KCNQ1: variants seen among roughly 807,000 people sequenced by gnomAD.
KCNQ1 encodes the protein potassium voltage-gated channel subfamily Q member 1.
A neutral mutation model predicts 72.4 loss-of-function variants in KCNQ1; 49 were observed. The ratio of observed to expected loss-of-function variants is 0.68; its 90% confidence interval spans 0.54 to 0.86. KCNQ1 has a LOEUF of 0.86. KCNQ1 is among the 40% of genes least tolerant of loss of function. The pLI is 0.00. For synonymous variants in KCNQ1, 450 were observed against 412.6 expected (o/e 1.09, Z -1.10); for missense variants, 790 against 945.1 (o/e 0.84, Z 2.15).
intron 14 of KCNQ1, 109 bp downstream of exon 14, chr11:2,777,141 A>G (rs1846723117): frequency 9.4e-7 from 1 of 1,058,322 alleles, no homozygotes; most frequent in Non-Finnish European, 1.4e-6. Flanking sequence ...TTGCACCTCC[A>G]AAGTGCATGA....
chr11:2,541,635 T>A lies in KCNQ1; in HGVS notation c.477+13617T>A, dbSNP rs958239820. On this transcript the variant is annotated intron_variant, in intron 2 of 15. Transcript: ENST00000155840. The surrounding 1 kb of genome is among the most constrained non-coding windows in gnomAD (Gnocchi z 4.8). ...GGCTTTGTCCCCACCGTTAGGATAC[T>A]CTGAACGTTCCCAGAAAGCCCCCTT... is the stretch of plus-strand genomic sequence containing the variant. 1.3e-5 allele frequency among the ~76,000 whole-genome samples: 2 copies of A among 151,928 alleles called. No individual in the cohort carries two copies. Among genetic ancestry groups the A allele is most frequent in the African/African-American group, 4.8e-5 (2 of 41,352 alleles).
At chr11:2,525,254 G>A (rs1195227682) in intron 1 of KCNQ1, among the ~76,000 whole-genome samples, 2 of 152,236 alleles carry the variant, frequency 1.3e-5, no homozygotes, top group African/African-American at 4.8e-5. Flanking sequence ...GCCCGGAATG[G>A]TGCCCAGTGC....
chr11:2,580,536 G>A (rs758535386), intron 6 of KCNQ1, among the ~76,000 whole-genome samples: 3 of 152,198 alleles, frequency 2.0e-5, no homozygotes, highest in Non-Finnish European at 4.4e-5. Context: ...CCCCACGCCT[G>A]TCCCGGAACT....
chr11:2,641,835 T>C (rs1849583609), intron 10 of KCNQ1: 1 of 398,420 alleles, frequency 2.5e-6, no homozygotes, highest in East Asian at 3.6e-5. Flanking sequence ...ATAGAAACGG[T>C]TTCATTTTTC....
At chr11:2,738,692 C>T in intron 11 of KCNQ1, among the ~76,000 whole-genome samples, 1 of 152,206 alleles carries the variant, frequency 6.6e-6, no homozygotes, top group East Asian at 1.9e-4. Flanking sequence ...GGGTGGATGT[C>T]TGCTTTTCCT....
Position 2,599,933 on chromosome 11 carries a change from A to G in KCNQ1, c.1393+11079A>G, listed in dbSNP as rs1337229932. 6.6e-6 allele frequency among the ~76,000 whole-genome samples: 1 copy of G among 152,246 alleles called. No homozygotes were observed. The highest frequency in any genetic ancestry group is 1.5e-5 in the Non-Finnish European group (1 of 68,042). Reference sequence around the variant, plus strand: ...TCAACTGCAAACCTTGTGGGACACAATTCAGCCCGTGACACAGGAATAGGC... The same window carrying G: ...TCAACTGCAAACCTTGTGGGACACAGTTCAGCCCGTGACACAGGAATAGGC... On this transcript the variant is annotated intron_variant, in intron 10 of 15. Coordinates refer to ENST00000155840, the MANE Select transcript of KCNQ1 (RefSeq NM_000218.3). This position sits in a 1 kb window ranked among gnomAD's most constrained non-coding sequence, Gnocchi z 4.7.
At chr11:2,743,363 G>T (rs961866994) in intron 11 of KCNQ1, among the ~76,000 whole-genome samples, 1 of 152,318 alleles carries the variant, frequency 6.6e-6, no homozygotes, top group South Asian at 2.1e-4. Flanking sequence ...ACCCCTTCAG[G>T]CCCTGGCACA....
Position 2,712,096 on chromosome 11 carries a change from C to T in KCNQ1, c.1514+50015C>T, listed in dbSNP as rs1851017395. Among the ~76,000 whole-genome samples the T allele has an allele frequency of 6.6e-6, 1 of 152,124 alleles. No individual in the cohort carries two copies. The stretch of plus-strand genomic sequence containing the variant: ...TGCCTCCCAGAGAGCCAGGGAGAGG[C>T]CAGGATCCAAGGAGGTAACGGCTTT... On this transcript the variant is annotated intron_variant, in intron 11 of 15. Coordinates refer to ENST00000155840, the MANE Select transcript of KCNQ1 (RefSeq NM_000218.3). The surrounding 1 kb of genome is among the most constrained non-coding windows in gnomAD (Gnocchi z 6.4).
At position 2,750,243 on chromosome 11, in the gene KCNQ1, C is replaced by T. The variant is rs867050165; in HGVS notation, c.1515-18601C>T. Among the ~76,000 whole-genome samples, 2 of 152,116 alleles carry T rather than the reference C, an allele frequency of 1.3e-5. No homozygotes were observed. The highest frequency in any genetic ancestry group is 2.1e-4 in the South Asian group (1 of 4,830). ...CATGTATTCCAGGGAAGAATTGGGC[C>T]GGAGGCTGAAACAGGACGACAGAGC... On this transcript the variant is annotated intron_variant, in intron 11 of 15. Transcript: ENST00000155840. The surrounding 1 kb of genome is among the most constrained non-coding windows in gnomAD (Gnocchi z 6.3).
rs1300859117 is a variant in KCNQ1 at position 2,568,354 on chromosome 11, T to C, written c.478-2274T>C. Among the ~76,000 whole-genome samples, 3 of 152,216 alleles carry C rather than the reference T, an allele frequency of 2.0e-5. No individual in the cohort carries two copies. In the East Asian group the frequency reaches 5.8e-4, roughly 29 times the overall value. ...TGCTAAGGGCCAGTCTGCTGGGTGG[T>C]GGATGGGTCAGCAGAGCTGGGCTGG... On this transcript the variant is annotated intron_variant, in intron 2 of 15. Coordinates refer to ENST00000155840, the MANE Select transcript of KCNQ1 (RefSeq NM_000218.3).
chr11:2,447,872 C>T lies in KCNQ1; in HGVS notation c.386+2388C>T, dbSNP rs1340793741. 1.3e-5 allele frequency among the ~76,000 whole-genome samples: 2 copies of T among 152,196 alleles called. No homozygotes were observed. The highest frequency in any genetic ancestry group is 4.8e-5 in the African/African-American group (2 of 41,458). ...GCTAGGGCGAACTCTCCTGTGTGCG[C>T]CTGGGGAAGCCAGCCAGGATATCCT... On this transcript the variant is annotated intron_variant, in intron 1 of 15. Coordinates refer to ENST00000155840, the MANE Select transcript of KCNQ1 (RefSeq NM_000218.3). The surrounding 1 kb of genome is among the most constrained non-coding windows in gnomAD (Gnocchi z 7.6).
rs747713563 is a variant in KCNQ1 at position 2,564,348 on chromosome 11, C to A, written c.478-6280C>A. The stretch of plus-strand genomic sequence containing the variant: ...GTGACTCATGCCTGCAATCCCAGCA[C>A]TTTGGAAGGCTGAGGCGGGCGGATC... On this transcript the variant is annotated intron_variant, in intron 2 of 15. Transcript: ENST00000155840. This position sits in a 1 kb window ranked among gnomAD's most constrained non-coding sequence, Gnocchi z 4.5. 9.9e-5 allele frequency among the ~76,000 whole-genome samples: 15 copies of A among 152,194 alleles called. No homozygotes were observed. Among genetic ancestry groups the A allele is most frequent in the Admixed American group, 2.0e-4 (3 of 15,284 alleles).
At chr11:2,697,269 T>G in intron 11 of KCNQ1, 1 of 398,620 alleles carries the variant, frequency 2.5e-6, no homozygotes, top group Non-Finnish European at 4.4e-6. Flanking sequence ...CAATAACTTT[T>G]AAGAATACAA....
At position 2,724,695 on chromosome 11, in the gene KCNQ1, T is replaced by C. The variant is rs1466350509; in HGVS notation, c.1515-44149T>C. 6.6e-6 allele frequency among the ~76,000 whole-genome samples: 1 copy of C among 152,158 alleles called. No homozygotes were observed. Among genetic ancestry groups the C allele is most frequent in the Non-Finnish European group, 1.5e-5 (1 of 68,024 alleles). ...AGGCGACACTGTGATTGTCCTGGGC[T>C]CACAGAGGAGGACGTGGGGACCTGC... On this transcript the variant is annotated intron_variant, in intron 11 of 15. Transcript: ENST00000155840. This position sits in a 1 kb window ranked among gnomAD's most constrained non-coding sequence, Gnocchi z 6.8.
intron 10 of KCNQ1, chr11:2,610,710 G>A (rs1848965329): frequency 1.1e-5 from 4 of 363,762 alleles, no homozygotes; most frequent in Non-Finnish European, 1.4e-5. Flanking sequence ...CAGTATTCTT[G>A]GTTGGCTTTT....
chr11:2,600,196 G>A lies in KCNQ1; in HGVS notation c.1393+11342G>A, dbSNP rs1000372668. Among the ~76,000 whole-genome samples, 1 of 152,120 alleles carries A rather than the reference G, an allele frequency of 6.6e-6. No homozygotes were observed. Among genetic ancestry groups the A allele is most frequent in the South Asian group, 2.1e-4 (1 of 4,818 alleles). On this transcript the variant is annotated intron_variant, in intron 10 of 15. Coordinates refer to ENST00000155840, the MANE Select transcript of KCNQ1 (RefSeq NM_000218.3). The surrounding 1 kb of genome is among the most constrained non-coding windows in gnomAD (Gnocchi z 5.6). ...TTGCAGGATGTTTAGCAGCATCTCC[G>A]GCCTCAGTTATGACCACCAAAAACA...
At chr11:2,511,158 G>T (rs1425696881) in intron 1 of KCNQ1, among the ~76,000 whole-genome samples, 2 of 152,234 alleles carry the variant, frequency 1.3e-5, no homozygotes, top group Admixed American at 1.3e-4. Flanking sequence ...GTTGGGGGCA[G>T]CAGGGACAAA....
rs190989018 is a variant in KCNQ1, at chr11:2,826,751, C to A, written c.1795-21016C>A. On this transcript the variant is annotated intron_variant, in intron 15 of 15. Transcript: ENST00000155840. The surrounding 1 kb of genome is among the most constrained non-coding windows in gnomAD (Gnocchi z 4.2). ...TTGGGGCCCCTGCCCTGCCTCCACT[C>A]AGAATCCCACTATGTGCTTGGAGCC... 2.0e-5 allele frequency among the ~76,000 whole-genome samples: 3 copies of A among 152,358 alleles called. No individual in the cohort carries two copies. The highest frequency in any genetic ancestry group is 2.1e-4 in the South Asian group (1 of 4,828).
rs776119582 is a variant in KCNQ1, at chr11:2,847,971, G to A, written c.1999G>A (p.Val667Met). ...CCTGCCCACCTACGAGCAGCTGACC[G>A]TGCCCAGGAGGGGCCCCGATGAGGG... ...NTLPTYEQLT[V>M]PRRGPDEGS Residue 667 changes from valine (V) to methionine (M), a missense_variant, in exon 16 of 16, where the codon GTG (valine) becomes ATG (methionine). By Grantham distance (21) the Val-to-Met change is conservative (BLOSUM62 1). Coordinates refer to ENST00000155840, the MANE Select transcript of KCNQ1 (RefSeq NM_000218.3). The A allele has an allele frequency of 1.4e-5, 22 of 1,556,910 alleles. No homozygotes were observed. Among genetic ancestry groups the A allele is most frequent in the East Asian group, 4.7e-5 (2 of 42,224 alleles).
Sources: gnomAD v4.1 joint callset for allele counts (sites outside exome capture counted in the v4.1 genomes callset) on GRCh38, gnomAD v4.1.1 for gene constraint, Gnocchi (gnomAD v3.1) non-coding constraint, MANE v1.5 for transcripts, NCBI Gene and HGNC (gene_info 2026-07-23, HGNC 2026-07-21) for gene names.